NME9: variants seen among roughly 807,000 people sequenced by gnomAD.
NME9 encodes NME/NM23 family member 9.
NME9 carries 48 observed loss-of-function variants against 44.4 expected under a neutral mutation model. The observed-to-expected ratio is 1.08, with a 90% confidence interval of 0.86 to 1.37. NME9 has a LOEUF of 1.37. Among genes scored for constraint, NME9 ranks in the 40% most tolerant of loss-of-function variants. The pLI, the probability that NME9 is intolerant of heterozygous loss-of-function variation, is 0.00. For missense variants in NME9, 325 were observed against 405.2 expected, an observed-to-expected ratio of 0.80 and a Z score of 1.70; for synonymous variants, 139 against 147.1, an observed-to-expected ratio of 0.94 and a Z score of 0.40.
intron 10 of NME9, among the ~76,000 whole-genome samples, chr3:138,303,050 G>A (rs2051956707): frequency 6.6e-6 from 1 of 152,230 alleles, no homozygotes; most frequent in South Asian, 2.1e-4. Context: ...GAAATGTGGT[G>A]TTGAGGGAGA....
rs1560085106 is a variant in NME9 at position 138,301,505 on chromosome 3, A to T, written c.*135T>A. ...CAGGTGTGAGTCACTGCGCCCAGCCATATTATTTTCATTGTCTACAAAAGA... is the reference window on the plus strand; with the variant it reads ...CAGGTGTGAGTCACTGCGCCCAGCCTTATTATTTTCATTGTCTACAAAAGA... On this transcript the variant is annotated 3_prime_UTR_variant, in exon 11 of 11. Coordinates refer to ENST00000333911, the MANE Select transcript of NME9 (RefSeq NM_001349018.2). 1 of 1,445,490 alleles carries T rather than the reference A, an allele frequency of 6.9e-7. No homozygotes were observed. The highest frequency in any genetic ancestry group is 1.4e-5 in the African/African-American group (1 of 70,272). 89.5% of individuals were successfully genotyped at this position (1,445,490 alleles called of 1,614,324 possible). A position where few individuals can be genotyped will look rare whatever the true frequency, so the allele number is the denominator to read the frequency against.
intron 10 of NME9, among the ~76,000 whole-genome samples, chr3:138,302,397 A>C (rs2051907893): frequency 6.6e-6 from 1 of 152,182 alleles, no homozygotes; most frequent in Non-Finnish European, 1.5e-5. Context: ...CTTGGCTCTG[A>C]GTTACAGCCA....
intron 10 of NME9, among the ~76,000 whole-genome samples, chr3:138,302,873 T>C (rs1219859235): frequency 1.3e-5 from 2 of 152,228 alleles, no homozygotes; most frequent in African/African-American, 4.8e-5. Context: ...CAGAGACATG[T>C]AATGCAGCAG....
intron 8 of NME9, chr3:138,287,804 A>C: frequency 2.6e-6 from 1 of 385,686 alleles, no homozygotes; most frequent in Non-Finnish European, 5.3e-6. Context: ...ACCATTGAGC[A>C]TATTTTGCCA....
chr3:138,283,393 CTG>C (rs1171712018), intron 8 of NME9, among the ~76,000 whole-genome samples: 1 of 152,258 alleles, frequency 6.6e-6, no homozygotes, highest in Non-Finnish European at 1.5e-5. Flanking sequence ...GGTTCCAGGA[CTG>C]TGTCACTTCC....
At chr3:138,270,253 T>G in intron 8 of NME9, 3 of 773,734 alleles carry the variant, frequency 3.9e-6, no homozygotes, top group Non-Finnish European at 6.1e-6. Flanking sequence ...CTGGCTATTT[T>G]GTTCTAGTTT....
exon 9 of NME9, chr3:138,262,510 T>C: frequency 6.2e-7 from 1 of 1,607,106 alleles, no homozygotes; most frequent in Non-Finnish European, 8.5e-7. Context: ...TCTCTCATGT[T>C]CTAAGGTCAG....
rs1405460647 is a variant in NME9 at position 138,266,279 on chromosome 3, C to CAA, written c.746-3694_746-3693insTT. ...CCCCAAATCTCAGAATGGTTATTTA[C>CAA]CTACACTCTACTCTCCAGCTACAGT... On this transcript the variant is annotated intron_variant, in intron 8 of 8. Transcript: ENST00000317876. Among the ~76,000 whole-genome samples the CAA allele has an allele frequency of 1.7e-3, 260 of 152,216 alleles. 1 individual carries two copies. The highest frequency in any genetic ancestry group is 5.8e-3 in the African/African-American group (243 of 41,546).
chr3:138,308,859 T>C (rs1457115935), intron 6 of NME9, among the ~76,000 whole-genome samples: 1 of 148,942 alleles, frequency 6.7e-6, no homozygotes, highest in Admixed American at 6.8e-5. Context: ...CTTCCCAGAG[T>C]CTTTCCAATT....
Position 138,304,924 on chromosome 3 carries a change from G to T in NME9, c.740C>A (p.Thr247Asn). The T allele has an allele frequency of 1.9e-6, 3 of 1,614,184 alleles. No individual in the cohort carries two copies. Among genetic ancestry groups the T allele is most frequent in the Non-Finnish European group, 2.5e-6 (3 of 1,180,018 alleles). ...GFEDVVTTWR[T>N]VMGPRDPNVA... Reference sequence around the variant, plus strand: ...ATTGGGGTCACGGGGGCCCATGACGGTTCGCCAGGTAGTGACCACGTCCTC... The same window carrying T: ...ATTGGGGTCACGGGGGCCCATGACGTTTCGCCAGGTAGTGACCACGTCCTC... Residue 247 changes from threonine (T) to asparagine (N), a missense_variant, in exon 9 of 11, where the codon ACC (threonine) becomes AAC (asparagine). Coordinates refer to ENST00000333911, the MANE Select transcript of NME9 (RefSeq NM_001349018.2).
chr3:138,292,734 CAGG>C (rs1157269303), intron 8 of NME9, among the ~76,000 whole-genome samples: 2 of 152,092 alleles, frequency 1.3e-5, no homozygotes, highest in Non-Finnish European at 2.9e-5. Context: ...CTTGGAAGAG[CAGG>C]GCTATAAATC....
At chr3:138,290,666 C>T in intron 8 of NME9, 1 of 1,491,010 alleles carries the variant, frequency 6.7e-7, no homozygotes, top group South Asian at 1.2e-5. Flanking sequence ...AAAGGCCTTG[C>T]TTTGGGCTGT....
intron 2 of NME9, among the ~76,000 whole-genome samples, chr3:138,323,421 A>G (rs1173547276): frequency 1.3e-5 from 2 of 152,072 alleles, no homozygotes; most frequent in East Asian, 1.9e-4. Context: ...AAAGAAGAAG[A>G]AGAAAAAGCA....
chr3:138,302,617 G>A (rs1421180458), intron 10 of NME9, among the ~76,000 whole-genome samples: 1 of 152,208 alleles, frequency 6.6e-6, no homozygotes, highest in Non-Finnish European at 1.5e-5. Flanking sequence ...TTGTTCCTCA[G>A]CTGGCAGTGG....
chr3:138,302,385 G>T (rs1303668486), intron 10 of NME9, among the ~76,000 whole-genome samples: 1 of 152,146 alleles, frequency 6.6e-6, no homozygotes, highest in African/African-American at 2.4e-5. Flanking sequence ...ACCTGCCACA[G>T]ACTTGGCTCT....
Position 138,322,828 on chromosome 3 carries a change from G to GTA in NME9, c.91+2044_91+2045insTA, listed in dbSNP as rs2053557924. Among the ~76,000 whole-genome samples the GTA allele has an allele frequency of 2.6e-5, 4 of 152,258 alleles. No individual in the cohort carries two copies. In the South Asian group the frequency reaches 8.3e-4, roughly 32 times the overall value. Reference sequence around the variant, plus strand: ...ACTGGATGTTAGCTACTATCACATAGGGTGCTTAGCAAGGTGGCTGGCACA... The same window carrying GTA: ...ACTGGATGTTAGCTACTATCACATAGTAGGTGCTTAGCAAGGTGGCTGGCACA... On this transcript the variant is annotated intron_variant, in intron 2 of 10. Transcript: ENST00000333911.
chr3:138,293,923 C>T (rs922981215), intron 8 of NME9, among the ~76,000 whole-genome samples: 6 of 152,152 alleles, frequency 3.9e-5, no homozygotes, highest in Admixed American at 6.5e-5. Context: ...TCTTCTTAAA[C>T]GTAAACCGTA....
intron 8 of NME9, among the ~76,000 whole-genome samples, chr3:138,293,558 A>G (rs1218525641): frequency 6.6e-6 from 1 of 151,932 alleles, no homozygotes; most frequent in Non-Finnish European, 1.5e-5. Flanking sequence ...GAAAAGAGGA[A>G]GAAGAACTAA....
intron 1 of NME9, 95 bp downstream of exon 1, chr3:138,329,208 C>T: frequency 9.0e-7 from 1 of 1,113,408 alleles, no homozygotes; most frequent in Non-Finnish European, 1.3e-6. Flanking sequence ...TGCTGGCAAA[C>T]AGAATGTCAC....
Sources: gnomAD v4.1 joint callset for allele counts (sites outside exome capture counted in the v4.1 genomes callset) on GRCh38, gnomAD v4.1.1 for gene constraint, MANE v1.5 for transcripts, NCBI Gene and HGNC (gene_info 2026-07-23, HGNC 2026-07-21) for gene names.